COL24A1: variants seen among roughly 807,000 people sequenced by gnomAD.
COL24A1 encodes the protein collagen alpha-1(XXIV) chain.
In COL24A1, 224 loss-of-function variants were observed where a neutral mutation model predicts 253.9. The observed-to-expected ratio is 0.88, with a 90% CI of 0.79 to 0.99. The LOEUF is 0.99. Among genes scored for constraint, COL24A1 ranks in the 50% least tolerant of loss-of-function variants. The pLI, the probability that COL24A1 is intolerant of heterozygous loss-of-function variation, is 0.00. For missense variants in COL24A1, 2,131 were observed against 2,068.5 expected (o/e 1.03, Z -0.59); for synonymous variants, 685 against 673.7 (o/e 1.02, Z -0.26).
intron 7 of COL24A1, among the ~76,000 whole-genome samples, chr1:86,066,362 C>T (rs1019246572): frequency 4.0e-5 from 6 of 151,446 alleles, no homozygotes; most frequent in African/African-American, 1.5e-4. Flanking sequence ...CCTCAGCCTC[C>T]GGAGTAGCTG....
intron 12 of COL24A1, chr1:86,045,874 T>A (rs530061263): frequency 6.8e-6 from 3 of 442,186 alleles, no homozygotes; most frequent in Non-Finnish European, 1.4e-5. Context: ...TTCATGCCTC[T>A]TCTAAGCACT....
chr1:85,790,700 A>C (rs1372084595), intron 47 of COL24A1, among the ~76,000 whole-genome samples: 3 of 152,184 alleles, frequency 2.0e-5, no homozygotes, highest in Non-Finnish European at 4.4e-5. Context: ...AAGCAAGAAA[A>C]GAAAAGTGGA....
chr1:85,862,764 C>T (rs892149840), intron 37 of COL24A1, among the ~76,000 whole-genome samples: 1 of 152,192 alleles, frequency 6.6e-6, no homozygotes, highest in Non-Finnish European at 1.5e-5. Flanking sequence ...TAATCATTTA[C>T]TCCATAATGC....
chr1:85,848,245 T>G (rs778467793), intron 38 of COL24A1, among the ~76,000 whole-genome samples: 4 of 152,204 alleles, frequency 2.6e-5, no homozygotes, highest in Admixed American at 1.3e-4. Context: ...CATTTTTACA[T>G]CACTTTACAT....
At chr1:86,137,897 A>G (rs1028228407) in intron 2 of COL24A1, among the ~76,000 whole-genome samples, 1 of 152,184 alleles carries the variant, frequency 6.6e-6, no homozygotes. Context: ...CAATCTTTTC[A>G]TAGTGTAAAG....
chr1:86,032,363 C>T (rs1010303854), intron 13 of COL24A1, among the ~76,000 whole-genome samples: 27 of 152,210 alleles, frequency 1.8e-4, no homozygotes, highest in Non-Finnish European at 2.9e-4. Flanking sequence ...CTCTAATCTT[C>T]ATTTTTCTCA....
At chr1:85,971,930 G>A (rs779084911) in intron 20 of COL24A1, among the ~76,000 whole-genome samples, 21 of 152,154 alleles carry the variant, frequency 1.4e-4, no homozygotes, top group Non-Finnish European at 2.4e-4. Context: ...AGAAGAAAGT[G>A]AGTGTGAATT....
intron 59 of COL24A1, among the ~76,000 whole-genome samples, chr1:85,734,340 A>G (rs80354890): frequency 0.032 from 4,843 of 152,308 alleles, 259 homozygotes; most frequent in African/African-American, 0.11. Flanking sequence ...ACTTGCCTCT[A>G]TAACTTGCCT....
At chr1:85,828,067 A>G (rs553511162) in intron 43 of COL24A1, among the ~76,000 whole-genome samples, 1 of 152,068 alleles carries the variant, frequency 6.6e-6, no homozygotes. Context: ...TTAGTGCTAT[A>G]AATTTCCCTC....
At position 85,926,225 on chromosome 1, in the gene COL24A1, T is replaced by C. The variant is rs541160473; in HGVS notation, c.2563-14792A>G. Among the ~76,000 whole-genome samples the C allele has an allele frequency of 5.3e-4, 80 of 152,282 alleles. 2 individuals carry two copies. The South Asian group carries it at 0.016, about 31-fold the overall frequency. ...AATAGGAACGCTTTTACACTGCTGG[T>C]GGGAGTGTAAACTAGTTCAACCATT... On this transcript the variant is annotated intron_variant, in intron 24 of 59. Coordinates refer to ENST00000370571, the MANE Select transcript of COL24A1 (RefSeq NM_152890.7).
At chr1:86,002,432 C>T (rs900176134) in intron 19 of COL24A1, among the ~76,000 whole-genome samples, 3 of 152,102 alleles carry the variant, frequency 2.0e-5, no homozygotes, top group African/African-American at 2.4e-5. Flanking sequence ...TATATAGTCA[C>T]CAATTAAGCA....
At chr1:86,104,158 C>T (rs12742966) in intron 5 of COL24A1, among the ~76,000 whole-genome samples, 9,639 of 152,094 alleles carry the variant, frequency 0.063, 385 homozygotes, top group African/African-American at 0.11. Context: ...GATCTTTCTT[C>T]GGCTTGGTCT....
intron 24 of COL24A1, among the ~76,000 whole-genome samples, chr1:85,951,351 G>A (rs993981257): frequency 2.6e-5 from 4 of 152,150 alleles, no homozygotes; most frequent in Admixed American, 6.5e-5. Flanking sequence ...CTAACTGGGC[G>A]TGGAGATTAG....
intron 24 of COL24A1, among the ~76,000 whole-genome samples, chr1:85,934,341 C>T (rs1311806399): frequency 6.6e-6 from 1 of 152,156 alleles, no homozygotes; most frequent in Non-Finnish European, 1.5e-5. Context: ...TATTTTTAAA[C>T]AATCACAATG....
chr1:85,837,532 T>C (rs138144349), intron 43 of COL24A1, among the ~76,000 whole-genome samples: 6 of 152,310 alleles, frequency 3.9e-5, no homozygotes, highest in African/African-American at 4.8e-5. Flanking sequence ...AAGCTTATTA[T>C]GTACAGGGAT....
intron 37 of COL24A1, 99 bp from the exon 38 acceptor site, chr1:85,849,505 C>T (rs952005262): frequency 4.2e-5 from 38 of 914,940 alleles, no homozygotes; most frequent in Admixed American, 1.1e-4. Flanking sequence ...TTGGATTGGA[C>T]GAGAAGTAAA....
chr1:86,083,367 G>GAT (rs60329959), intron 7 of COL24A1, among the ~76,000 whole-genome samples: 120 of 149,630 alleles, frequency 8.0e-4, no homozygotes, highest in Non-Finnish European at 1.4e-3. Context: ...ATATATAGTT[G>GAT]ATATATATAT....
Position 85,760,097 on chromosome 1 carries a change from G to A in COL24A1, c.4437+1299C>T, listed in dbSNP as rs114431428. Among the ~76,000 whole-genome samples, 926 of 151,504 alleles carry A rather than the reference G, an allele frequency of 6.1e-3. 9 individuals are homozygous for A. The highest frequency in any genetic ancestry group is 9.8e-3 in the Non-Finnish European group (666 of 67,940). ...TTTGTTTGTTTGTTTGTTTTTTTGA[G>A]ACAGAGTCTTGCTCTGCCAGGCTGG... On this transcript the variant is annotated intron_variant, in intron 55 of 59. Transcript: ENST00000370571.
chr1:86,088,072 G>C (rs1703198382), intron 7 of COL24A1, among the ~76,000 whole-genome samples: 1 of 152,186 alleles, frequency 6.6e-6, no homozygotes, highest in Non-Finnish European at 1.5e-5. Flanking sequence ...CATTTATTAA[G>C]GGCTGACAAT....
Sources: gnomAD v4.1 joint callset for allele counts (sites outside exome capture counted in the v4.1 genomes callset) on GRCh38, gnomAD v4.1.1 for gene constraint, MANE v1.5 for transcripts, NCBI Gene and HGNC (gene_info 2026-07-23, HGNC 2026-07-21) for gene names.